GOLGA8S: variants seen among roughly 807,000 people sequenced by gnomAD.
GOLGA8S encodes the protein golgin A8 family member S, also known as golgin subfamily A member 8S.
In GOLGA8S, 23 loss-of-function variants were observed where a neutral mutation model predicts 58.9. The observed-to-expected ratio is 0.39, with a 90% CI of 0.28 to 0.55. The LOEUF (loss-of-function observed/expected upper bound fraction) is 0.55, where lower values mean the gene tolerates loss of function less well. Ranked by LOEUF, GOLGA8S falls within the 20% of genes least tolerant of loss-of-function variation. The pLI is 0.63. For synonymous variants in GOLGA8S, 84 were observed against 195.7 expected, an observed-to-expected ratio of 0.43 and a Z score of 4.76; for missense variants, 266 against 514.2, an observed-to-expected ratio of 0.52 and a Z score of 4.67.
rs762031759 is a variant in GOLGA8S, at chr15:23,364,462, C to T, written c.1448+19C>T. On this transcript the variant is annotated intron_variant, in intron 16 of 18. Coordinates refer to ENST00000562295, the Ensembl canonical transcript of GOLGA8S. ...GCCATCAGTGAGTGGGAGGCCAGGG[C>T]ACAGCAGGGGGAGCTACAGGGCCGT... 2.5e-6 allele frequency: 4 copies of T among 1,604,432 alleles called. No homozygotes were observed. In the South Asian group the frequency reaches 3.3e-5, roughly 13 times the overall value.
intron 12 of GOLGA8S, 118 bp downstream of exon 12, chr15:23,361,574 G>C: frequency 1.6e-6 from 1 of 631,514 alleles, no homozygotes; most frequent in South Asian, 1.8e-5. Flanking sequence ...AAAGGCACCT[G>C]TGAGCCAGAG....
chr15:23,365,276 A>C (rs1207816200), downstream of GOLGA8S: 1 of 1,030,546 alleles, frequency 9.7e-7, no homozygotes, highest in Non-Finnish European at 1.4e-6. Flanking sequence ...TATAGTTTTA[A>C]GTTTATTTGT....
intron 15 of GOLGA8S, among the ~76,000 whole-genome samples, 177 bp from the exon 16 acceptor site, chr15:23,364,166 G>A (rs1567269957): frequency 8.2e-6 from 1 of 122,350 alleles, no homozygotes; most frequent in Admixed American, 9.3e-5. Flanking sequence ...GCAGCCAGAG[G>A]CCCTGGAGCC....
At chr15:23,365,399 G>C (rs558785221), downstream of GOLGA8S, 1 of 589,674 alleles carries the variant, frequency 1.7e-6, no homozygotes, top group African/African-American at 1.9e-5. Context: ...TGCATATCGA[G>C]TTTGCCCTTA....
At chr15:23,365,591 G>A (rs181146567), downstream of GOLGA8S, 9 of 271,560 alleles carry the variant, frequency 3.3e-5, no homozygotes, top group African/African-American at 1.2e-4. Context: ...TGAGCTCTTC[G>A]TTAGCTCAAT....
chr15:23,357,770 G>A (rs1312365813), intron 4 of GOLGA8S, among the ~76,000 whole-genome samples, 151 bp downstream of exon 4: 2 of 148,842 alleles, frequency 1.3e-5, no homozygotes, highest in Non-Finnish European at 3.0e-5. Flanking sequence ...GGACCCCGGA[G>A]CATGCAGCAT....
chr15:23,360,274 C>G, exon 9 of GOLGA8S: 2 of 1,252,286 alleles, frequency 1.6e-6, no homozygotes, highest in Non-Finnish European at 2.3e-6. Flanking sequence ...GAAGTTAGAG[C>G]AGTCCATGCG....
Position 23,361,464 on chromosome 15 carries a change from G to A in GOLGA8S, c.1110+8G>A, listed in dbSNP as rs1452302694. 3 of 773,616 alleles carry A rather than the reference G, an allele frequency of 3.9e-6. No homozygotes were observed. Among genetic ancestry groups the A allele is most frequent in the Non-Finnish European group, 7.0e-6 (3 of 428,758 alleles). The allele number at this position is 773,616 out of a possible 1,614,324, so 47.9% of individuals were successfully genotyped here. Reference sequence around the variant, plus strand: ...AACAGCTTCAAGGAGCTGGTGCGTTGCCCCAGCTGGGGAGCCTGCCCTCCT... The same window carrying A: ...AACAGCTTCAAGGAGCTGGTGCGTTACCCCAGCTGGGGAGCCTGCCCTCCT... On this transcript the variant is annotated splice_region_variant and intron_variant, in intron 12 of 18. Coordinates refer to ENST00000562295, the Ensembl canonical transcript of GOLGA8S.
intron 12 of GOLGA8S, 73 bp from the exon 13 acceptor site, chr15:23,361,651 C>G: frequency 3.2e-6 from 2 of 626,776 alleles, no homozygotes; most frequent in Non-Finnish European, 5.7e-6. Context: ...TTCCCGGTGC[C>G]ATGGGAGGCA....
rs573516647 is a variant in GOLGA8S, at chr15:23,361,884, T to C, written c.1179+92T>C. 55 of 899,884 alleles carry C rather than the reference T, an allele frequency of 6.1e-5. 3 individuals carry two copies. The Middle Eastern group carries it at 2.0e-3, about 33-fold the overall frequency. 55.7% of individuals were successfully genotyped at this position (899,884 alleles called of 1,614,324 possible). On this transcript the variant is annotated intron_variant, in intron 13 of 18. Coordinates refer to ENST00000562295, the Ensembl canonical transcript of GOLGA8S. ...GGGAGGGGAGGTGCCAGGCCAGCGG[T>C]AGCTCCAGCCCAGGGGCAGGTGACC...
At chr15:23,360,941 A>T (rs1451428807) in intron 11 of GOLGA8S, 126 bp downstream of exon 11, 1 of 739,232 alleles carries the variant, frequency 1.4e-6, no homozygotes, top group Admixed American at 1.9e-5. Context: ...GGTCTGTGCC[A>T]GGAGACGGCA....
At chr15:23,366,472 A>T (rs921046824), downstream of GOLGA8S, 12 of 152,014 alleles carry the variant, frequency 7.9e-5, no homozygotes, top group Non-Finnish European at 1.8e-4. Context: ...GTATTATACT[A>T]TCTTTGAAAA....
exon 17 of GOLGA8S, chr15:23,364,571 T>C (rs1341310499): frequency 6.4e-7 from 1 of 1,570,834 alleles, no homozygotes; most frequent in Admixed American, 1.7e-5. Context: ...GTGCCAAAGA[T>C]GCGGCACTGG....
intron 8 of GOLGA8S, among the ~76,000 whole-genome samples, chr15:23,359,827 T>C (rs970888505): frequency 7.0e-6 from 1 of 143,794 alleles, no homozygotes; most frequent in Admixed American, 6.9e-5. Flanking sequence ...TCTGCCTAAG[T>C]GATCTTAGGC....
In GOLGA8S at chr15:23,363,782, C is replaced by T. The variant is rs1312104137; in HGVS notation, c.1347+13C>T. ...CAGGGAGGCCATGGTGAGCCTGACT[C>T]CCCCTGCACCCATTTTGCCACCTTT... On this transcript the variant is annotated intron_variant, in intron 15 of 18. Transcript: ENST00000562295. 13 of 591,006 alleles carry T rather than the reference C, an allele frequency of 2.2e-5. 1 individual carries two copies. The highest frequency in any genetic ancestry group is 3.5e-5 in the Admixed American group (1 of 28,886). The allele number at this position is 591,006 out of a possible 1,614,324, so 36.6% of individuals were successfully genotyped here. A position where few individuals can be genotyped will look rare whatever the true frequency, so the allele number is the denominator to read the frequency against.
intron 1 of GOLGA8S, 132 bp downstream of exon 1, chr15:23,355,025 C>T: frequency 2.6e-6 from 1 of 390,356 alleles, no homozygotes; most frequent in Non-Finnish European, 4.8e-6. Flanking sequence ...TCTGGGCTAC[C>T]CCCACCAAAG....
intron 11 of GOLGA8S, 134 bp from the exon 12 acceptor site, chr15:23,361,087 G>A (rs1441534107): frequency 3.3e-6 from 3 of 918,420 alleles, no homozygotes; most frequent in Middle Eastern, 3.5e-4. Flanking sequence ...TTAGCAGTGA[G>A]GCCAAGTTTG....
intron 4 of GOLGA8S, among the ~76,000 whole-genome samples, chr15:23,358,044 G>A (rs1241380668): frequency 6.6e-6 from 1 of 150,868 alleles, no homozygotes; most frequent in Non-Finnish European, 1.5e-5. Context: ...AGATTTAAAG[G>A]CCTCCTAGAA....
chr15:23,364,505 C>A (rs1202694557), intron 16 of GOLGA8S, 21 bp from the exon 17 acceptor site: 1 of 1,604,608 alleles, frequency 6.2e-7, no homozygotes, highest in African/African-American at 1.3e-5. Context: ...GCCCCAGCGT[C>A]TGAGCCCTGT....
Sources: gnomAD v4.1 joint callset for allele counts (sites outside exome capture counted in the v4.1 genomes callset) on GRCh38, gnomAD v4.1.1 for gene constraint, MANE v1.5 for transcripts, NCBI Gene and HGNC (gene_info 2026-07-23, HGNC 2026-07-21) for gene names.